Variants in ZCCHC17 observed in about 807,000 individuals in gnomAD.
The protein encoded by ZCCHC17 is zinc finger CCHC domain-containing protein 17.
Under a neutral mutation model 30.6 loss-of-function variants are expected in ZCCHC17, and 18 were observed. That is an observed-to-expected ratio of 0.59 (90% CI 0.41 to 0.87). The LOEUF is 0.87. Among genes scored for constraint, ZCCHC17 ranks in the 40% least tolerant of loss-of-function variants. The pLI is 0.00. For missense variants in ZCCHC17, 263 were observed against 284.2 expected (o/e 0.93, Z 0.54); for synonymous variants, 88 against 92.4 (o/e 0.95, Z 0.27).
Position 31,342,012 on chromosome 1 carries a change from G to C in ZCCHC17, c.317+2964G>C, listed in dbSNP as rs149784778. Among the ~76,000 whole-genome samples, 812 of 152,036 alleles carry C rather than the reference G, an allele frequency of 5.3e-3. 18 individuals carry two copies. The highest frequency in any genetic ancestry group is 0.049 in the Admixed American group (753 of 15,264). On this transcript the variant is annotated intron_variant, in intron 5 of 7. Coordinates refer to ENST00000344147, the MANE Select transcript of ZCCHC17 (RefSeq NM_016505.4). The stretch of plus-strand genomic sequence containing the variant: ...CCCACAAAAACAGAGACCATGACTT[G>C]TCTGCCATTGTGCCTGATGTATAGC...
intron 7 of ZCCHC17, among the ~76,000 whole-genome samples, chr1:31,352,634 A>G (rs1639508306): frequency 6.6e-6 from 1 of 152,090 alleles, no homozygotes; most frequent in Non-Finnish European, 1.5e-5. Flanking sequence ...TTTTGTAGAG[A>G]TGGAGTCCTG....
chr1:31,334,735 A>G (rs1043074999), intron 3 of ZCCHC17, among the ~76,000 whole-genome samples: 1 of 152,140 alleles, frequency 6.6e-6, no homozygotes, highest in Non-Finnish European at 1.5e-5. Context: ...CATAATAGGC[A>G]CTCAATAACT....
intron 3 of ZCCHC17, among the ~76,000 whole-genome samples, chr1:31,323,078 A>G (rs1646897542): frequency 6.6e-6 from 1 of 152,096 alleles, no homozygotes; most frequent in Non-Finnish European, 1.5e-5. Context: ...TTCTGAAGCT[A>G]TCTAGGGACC....
At chr1:31,338,125 A>G (rs2148453953) in intron 4 of ZCCHC17, among the ~76,000 whole-genome samples, 1 of 147,852 alleles carries the variant, frequency 6.8e-6, no homozygotes, top group East Asian at 2.0e-4. Context: ...ACGCACCACT[A>G]AACCTGGCCT....
intron 3 of ZCCHC17, among the ~76,000 whole-genome samples, chr1:31,319,677 C>T (rs1646815754): frequency 2.0e-5 from 3 of 151,840 alleles, no homozygotes; most frequent in South Asian, 2.1e-4. Context: ...TATGTTAAGC[C>T]GAAAAGGCAG....
At position 31,317,693 on chromosome 1, in the gene ZCCHC17, C is replaced by T. The variant is rs1401663276; in HGVS notation, c.67-1416C>T. Among the ~76,000 whole-genome samples, 4 of 152,092 alleles carry T rather than the reference C, an allele frequency of 2.6e-5. No homozygotes were observed. In the East Asian group the frequency reaches 5.8e-4, roughly 22 times the overall value. ...TATGTTATCCAGGCTGGATTCAACTCCTGGCCTCAGGCCACGCTCCAGCCT... is the reference window on the plus strand; with the variant it reads ...TATGTTATCCAGGCTGGATTCAACTTCTGGCCTCAGGCCACGCTCCAGCCT... On this transcript the variant is annotated intron_variant, in intron 2 of 7. Transcript: ENST00000344147.
At chr1:31,332,492 A>C (rs931919924) in intron 3 of ZCCHC17, among the ~76,000 whole-genome samples, 76 of 151,980 alleles carry the variant, frequency 5.0e-4, no homozygotes, top group Admixed American at 2.6e-3. Context: ...ATTATTTCAT[A>C]GTGTATATAT....
At chr1:31,322,130 T>C (rs1646875508) in intron 3 of ZCCHC17, among the ~76,000 whole-genome samples, 1 of 152,096 alleles carries the variant, frequency 6.6e-6, no homozygotes. Flanking sequence ...GCCAGTCGAT[T>C]TTATCTGAGA....
rs574405651 is a variant in ZCCHC17 at position 31,313,301 on chromosome 1, T to C, written c.66+3137T>C. Among the ~76,000 whole-genome samples, 35 of 152,194 alleles carry C rather than the reference T, an allele frequency of 2.3e-4. 1 individual carries two copies. In the South Asian group the frequency reaches 6.4e-3, roughly 28 times the overall value. ...TGCCCAGGCTGGTCTTTTGAACTCCTGAGCTCAAGTGATCTGCCCACCTCA... is the reference window on the plus strand; with the variant it reads ...TGCCCAGGCTGGTCTTTTGAACTCCCGAGCTCAAGTGATCTGCCCACCTCA... On this transcript the variant is annotated intron_variant, in intron 2 of 7. Coordinates refer to ENST00000344147, the MANE Select transcript of ZCCHC17 (RefSeq NM_016505.4).
chr1:31,350,775 T>G (rs1030588101), intron 7 of ZCCHC17, among the ~76,000 whole-genome samples: 3 of 152,006 alleles, frequency 2.0e-5, no homozygotes, highest in Non-Finnish European at 4.4e-5. Context: ...AATTTTTGTA[T>G]TTTTTTAGTA....
intron 2 of ZCCHC17, among the ~76,000 whole-genome samples, chr1:31,314,982 A>G (rs1002442467): frequency 6.6e-6 from 1 of 152,084 alleles, no homozygotes; most frequent in South Asian, 2.1e-4. Context: ...AATTCTTTTG[A>G]CTGAATTGAG....
chr1:31,350,441 G>A (rs1023438344), intron 7 of ZCCHC17, among the ~76,000 whole-genome samples: 1 of 151,642 alleles, frequency 6.6e-6, no homozygotes, highest in Admixed American at 6.6e-5. Context: ...TCTCTTTCTC[G>A]GTGATCCTAT....
At chr1:31,332,398 G>A (rs906406758) in intron 3 of ZCCHC17, among the ~76,000 whole-genome samples, 2 of 152,096 alleles carry the variant, frequency 1.3e-5, no homozygotes, top group African/African-American at 4.8e-5. Flanking sequence ...AGCCATTAAT[G>A]TCTCAACTTT....
intron 7 of ZCCHC17, among the ~76,000 whole-genome samples, chr1:31,360,603 G>A (rs1423022226): frequency 2.0e-5 from 3 of 152,222 alleles, no homozygotes; most frequent in African/African-American, 7.2e-5. Context: ...TCAAAGTTGA[G>A]GTCTAGGAGA....
intron 1 of ZCCHC17, among the ~76,000 whole-genome samples, chr1:31,304,489 G>T (rs992995314): frequency 6.6e-6 from 1 of 151,398 alleles, no homozygotes; most frequent in Admixed American, 6.6e-5. Flanking sequence ...TCATCGTGTT[G>T]CCCAGGCTAT....
chr1:31,354,002 G>C (rs989707736), intron 7 of ZCCHC17, among the ~76,000 whole-genome samples: 5 of 152,152 alleles, frequency 3.3e-5, no homozygotes, highest in Non-Finnish European at 7.4e-5. Context: ...TGCAAATTCT[G>C]ATAGAGATTG....
chr1:31,302,169 A>G (rs1203818036), intron 1 of ZCCHC17, among the ~76,000 whole-genome samples: 1 of 152,180 alleles, frequency 6.6e-6, no homozygotes, highest in African/African-American at 2.4e-5. Flanking sequence ...TGGAGGTTGC[A>G]GTGAGTCGAG....
chr1:31,348,790 A>C, intron 6 of ZCCHC17, 39 bp from the exon 7 acceptor site: 1 of 1,611,076 alleles, frequency 6.2e-7, no homozygotes, highest in Non-Finnish European at 8.5e-7. Context: ...AAGAGAGACT[A>C]CTTCCTTTTT....
chr1:31,304,023 C>T (rs1361242462), intron 1 of ZCCHC17, among the ~76,000 whole-genome samples: 1 of 152,216 alleles, frequency 6.6e-6, no homozygotes, highest in Non-Finnish European at 1.5e-5. Context: ...GTATCCTTTA[C>T]TTCCATCCCA....
Sources: gnomAD v4.1 joint callset for allele counts (sites outside exome capture counted in the v4.1 genomes callset) on GRCh38, gnomAD v4.1.1 for gene constraint, MANE v1.5 for transcripts, NCBI Gene and HGNC (gene_info 2026-07-23, HGNC 2026-07-21) for gene names.